Variants in RBIS observed in about 807,000 individuals in gnomAD.
RBIS encodes ribosomal biogenesis factor.
Under a neutral mutation model 9.8 loss-of-function variants are expected in RBIS, and 9 were observed. The observed-to-expected ratio is 0.92, with a 90% CI of 0.56 to 1.61. The LOEUF (loss-of-function observed/expected upper bound fraction) is 1.61, where lower values mean the gene tolerates loss of function less well. RBIS is among the 40% of genes most tolerant of loss of function. RBIS has a pLI of 0.00. For synonymous variants in RBIS, 35 were observed against 37.9 expected (o/e 0.92, Z 0.28); for missense variants, 103 against 116.0 (o/e 0.89, Z 0.51).
At chr8:85,220,060 G>A (rs1813309074) in intron 1 of RBIS, among the ~76,000 whole-genome samples, 1 of 152,132 alleles carries the variant, frequency 6.6e-6, no homozygotes, top group African/African-American at 2.4e-5. Flanking sequence ...CGAGTGGAGG[G>A]AAATTCTCTG....
chr8:85,215,999 A>C (rs979289710), intron 2 of RBIS: 41 of 152,204 alleles, frequency 2.7e-4, no homozygotes, highest in African/African-American at 9.9e-4. Flanking sequence ...TGCCTGCTGA[A>C]GATTCATCTG....
chr8:85,219,764 A>G (rs751219161), intron 1 of RBIS, among the ~76,000 whole-genome samples: 44 of 152,114 alleles, frequency 2.9e-4, no homozygotes, highest in Non-Finnish European at 5.9e-4. Flanking sequence ...TTAAAATAAA[A>G]TAATTACAAT....
chr8:85,219,980 T>G (rs1365909257), intron 1 of RBIS, among the ~76,000 whole-genome samples: 1 of 151,870 alleles, frequency 6.6e-6, no homozygotes, highest in Non-Finnish European at 1.5e-5. Flanking sequence ...AGTCTACAAG[T>G]GGAGAGGTTT....
chr8:85,215,432 CAGG>C (rs976954729), intron 2 of RBIS: 1 of 153,210 alleles, frequency 6.5e-6, no homozygotes. Context: ...TAGATAGCTT[CAGG>C]AGGAGGGCTA....
rs1203160805 is a variant in RBIS at position 85,214,574 on chromosome 8, T to A, written c.289A>T (p.Met97Leu). ...TCACCAGTATATTACAACAGAGCCA[T>A]TAATCTTGTAGCTTCATCAACATTA... Reference protein sequence around the residue: ...PVNVDEATRLMALL With the variant: ...PVNVDEATRLLALL Residue 97 changes from methionine (M) to leucine (L), a missense_variant, in exon 4 of 4, where the codon ATG becomes TTG. Coordinates refer to ENST00000619594, the MANE Select transcript of RBIS (RefSeq NM_001099673.3). The A allele has an allele frequency of 6.4e-7, 1 of 1,572,424 alleles. No homozygotes were observed. Among genetic ancestry groups the A allele is most frequent in the South Asian group, 1.1e-5 (1 of 89,866 alleles).
chr8:85,218,509 G>A (rs1813233832), intron 1 of RBIS: 1 of 152,054 alleles, frequency 6.6e-6, no homozygotes, highest in Non-Finnish European at 1.5e-5. Context: ...ACCACTGTTT[G>A]TCAAACTATG....
Position 85,214,092 on chromosome 8 carries a change from A to AAAAGT in RBIS, c.*463_*467dup. ...AATATCCACAAACGTCCCCACTCCC[A>AAAAGT]AAAGTAACTATATTCTGGATTTCAA... On this transcript the variant is annotated 3_prime_UTR_variant, in exon 4 of 4. Transcript: ENST00000619594. 3.4e-6 allele frequency: 2 copies of AAAAGT among 586,524 alleles called. No homozygotes were observed. The highest frequency in any genetic ancestry group is 3.2e-5 in the South Asian group (2 of 62,156). 36.3% of individuals were successfully genotyped at this position (586,524 alleles called of 1,614,324 possible).
At chr8:85,218,513 A>G (rs1350685762) in intron 1 of RBIS, 1 of 151,854 alleles carries the variant, frequency 6.6e-6, no homozygotes, top group Non-Finnish European at 1.5e-5. Context: ...CTGTTTGTCA[A>G]ACTATGCCCA....
rs1813326701 is a variant in RBIS at position 85,220,360 on chromosome 8, A to T, written c.-58T>A. ...TAAGCTCCAGGTAACACCATCTGGCACGTACGGCGTCTAGGAAGTTCCGGG... is the reference window on the plus strand; with the variant it reads ...TAAGCTCCAGGTAACACCATCTGGCTCGTACGGCGTCTAGGAAGTTCCGGG... On this transcript the variant is annotated 5_prime_UTR_variant, in exon 1 of 4. Coordinates refer to ENST00000619594, the MANE Select transcript of RBIS (RefSeq NM_001099673.3). 6.6e-6 allele frequency: 1 copy of T among 152,268 alleles called. No homozygotes were observed. The highest frequency in any genetic ancestry group is 1.5e-5 in the Non-Finnish European group (1 of 68,048). The allele number at this position is 152,268 out of a possible 1,614,324, so 9.4% of individuals were successfully genotyped here.
chr8:85,214,724 A>T (rs1186460912), intron 3 of RBIS, 93 bp from the exon 4 acceptor site: 1 of 889,326 alleles, frequency 1.1e-6, no homozygotes, highest in African/African-American at 1.7e-5. Context: ...TTTTCTAGTC[A>T]TATCTTTGGA....
intron 2 of RBIS, chr8:85,215,531 A>G (rs1563987317): frequency 1.3e-5 from 2 of 152,334 alleles, no homozygotes; most frequent in Admixed American, 6.5e-5. Flanking sequence ...CTAATGGCCA[A>G]TGATTTAATG....
intron 2 of RBIS, 100 bp downstream of exon 2, chr8:85,217,286 G>T (rs1425055245): frequency 1.3e-6 from 1 of 778,774 alleles, no homozygotes; most frequent in Non-Finnish European, 2.3e-6. Context: ...TAGGAAAAAT[G>T]AAGAACCTTT....
chr8:85,215,072 T>C, intron 2 of RBIS, 35 bp from the exon 3 acceptor site: 1 of 828,320 alleles, frequency 1.2e-6, no homozygotes, highest in Non-Finnish European at 1.9e-6. Context: ...ATCTATGATC[T>C]CATAACCATT....
Position 85,214,523 on chromosome 8 carries a change from T to C in RBIS, c.*37A>G. ...AAAATTGTATAAAACATTCAATTTA[T>C]TGGTCTTTGTGGAGAATTAGATGCA... On this transcript the variant is annotated 3_prime_UTR_variant, in exon 4 of 4. Transcript: ENST00000619594. 1 of 1,308,918 alleles carries C rather than the reference T, an allele frequency of 7.6e-7. No individual in the cohort carries two copies. Among genetic ancestry groups the C allele is most frequent in the Non-Finnish European group, 1.1e-6 (1 of 913,476 alleles). 81.1% of individuals were successfully genotyped at this position (1,308,918 alleles called of 1,614,324 possible).
Position 85,214,138 on chromosome 8 carries a change from CCTT to C in RBIS, c.*419_*421del. 1 of 548,594 alleles carries C rather than the reference CCTT, an allele frequency of 1.8e-6. No homozygotes were observed. 34.0% of individuals were successfully genotyped at this position (548,594 alleles called of 1,614,324 possible). On this transcript the variant is annotated 3_prime_UTR_variant, in exon 4 of 4. Transcript: ENST00000619594. ...TTCAACTTTTCTTCTAATTGTGAAT[CCTT>C]CTGTTTTTTCTTCTTAAGGAGGAAA... is the stretch of plus-strand genomic sequence containing the variant.
At chr8:85,214,783 T>C (rs975051539) in intron 3 of RBIS, 138 bp downstream of exon 3, 7 of 726,964 alleles carry the variant, frequency 9.6e-6, no homozygotes, top group Non-Finnish European at 1.4e-5. Flanking sequence ...CTGAATATGC[T>C]ATTTATACTA....
At chr8:85,220,034 C>T (rs1813306516) in intron 1 of RBIS, among the ~76,000 whole-genome samples, 1 of 152,132 alleles carries the variant, frequency 6.6e-6, no homozygotes, top group Non-Finnish European at 1.5e-5. Flanking sequence ...GAAAGTAATA[C>T]ACTAGTGGGG....
intron 1 of RBIS, chr8:85,219,007 G>T (rs1171999803): frequency 6.6e-6 from 1 of 152,192 alleles, no homozygotes; most frequent in Non-Finnish European, 1.5e-5. Context: ...TCTGCACAGT[G>T]GCTATCTGGC....
rs142029710 is a variant in RBIS, at chr8:85,216,597, A to C, written c.114+789T>G. Among the ~76,000 whole-genome samples, 56 of 152,228 alleles carry C rather than the reference A, an allele frequency of 3.7e-4. No homozygotes were observed. In the Middle Eastern group the frequency reaches 0.01, roughly 28 times the overall value. On this transcript the variant is annotated intron_variant, in intron 2 of 3. Coordinates refer to ENST00000619594, the MANE Select transcript of RBIS (RefSeq NM_001099673.3). ...TGCATTGCTAGCTCTTTGTCATTCT[A>C]GTCTTGGTTTCAATGTGTCAACTAT...
Sources: gnomAD v4.1 joint callset for allele counts (sites outside exome capture counted in the v4.1 genomes callset) on GRCh38, gnomAD v4.1.1 for gene constraint, MANE v1.5 for transcripts, NCBI Gene and HGNC (gene_info 2026-07-23, HGNC 2026-07-21) for gene names.